Variants in NKAIN2 observed in about 807,000 individuals in gnomAD.
The protein encoded by NKAIN2 is sodium/potassium-transporting ATPase subunit beta-1-interacting protein 2.
In NKAIN2, 14 loss-of-function variants were observed where a neutral mutation model predicts 32.6. The observed-to-expected ratio is 0.43, with a 90% CI of 0.28 to 0.67. NKAIN2 has a LOEUF of 0.67. NKAIN2 is among the 30% of genes least tolerant of loss of function. NKAIN2 has a pLI of 0.17. For missense variants in NKAIN2, 198 were observed against 258.3 expected, an observed-to-expected ratio of 0.77 and a Z score of 1.60; for synonymous variants, 80 against 87.2, an observed-to-expected ratio of 0.92 and a Z score of 0.46.
At chr6:124,548,519 C>A (rs1780175629) in intron 3 of NKAIN2, among the ~76,000 whole-genome samples, 1 of 152,138 alleles carries the variant, frequency 6.6e-6, no homozygotes, top group African/African-American at 2.4e-5. Flanking sequence ...TGTCCTTATC[C>A]AGCACTCATT....
At chr6:123,864,730 T>A (rs1317698325) in intron 1 of NKAIN2, among the ~76,000 whole-genome samples, 1 of 152,124 alleles carries the variant, frequency 6.6e-6, no homozygotes, top group Non-Finnish European at 1.5e-5. Flanking sequence ...TAAGTTAAAA[T>A]TTTAAAATAT....
intron 1 of NKAIN2, among the ~76,000 whole-genome samples, chr6:124,242,276 A>G (rs933663472): frequency 1.1e-4 from 16 of 152,224 alleles, no homozygotes; most frequent in Non-Finnish European, 2.4e-4. Context: ...TTATACGGCC[A>G]ACAAACATAT....
At chr6:124,698,363 G>A (rs73770541) in intron 4 of NKAIN2, among the ~76,000 whole-genome samples, 11,313 of 152,196 alleles carry the variant, frequency 0.074, 560 homozygotes, top group African/African-American at 0.14. Flanking sequence ...AAAAAAATGT[G>A]CAGCTCCAGG....
At chr6:123,857,753 T>C (rs1361710960) in intron 1 of NKAIN2, among the ~76,000 whole-genome samples, 1 of 151,612 alleles carries the variant, frequency 6.6e-6, no homozygotes, top group East Asian at 1.9e-4. Context: ...CCATACATAT[T>C]GAAGCAGAAC....
At chr6:124,214,292 A>G (rs898700840) in intron 1 of NKAIN2, among the ~76,000 whole-genome samples, 28 of 152,208 alleles carry the variant, frequency 1.8e-4, no homozygotes, top group Non-Finnish European at 2.8e-4. Flanking sequence ...TATTAATAGT[A>G]GTAAAATTCT....
At chr6:123,816,040 A>G (rs1373190167) in intron 1 of NKAIN2, among the ~76,000 whole-genome samples, 1 of 152,184 alleles carries the variant, frequency 6.6e-6, no homozygotes, top group Non-Finnish European at 1.5e-5. Context: ...ATCAAACAAT[A>G]TATGTGGTAC....
chr6:124,672,793 C>T (rs1442747893), intron 4 of NKAIN2, among the ~76,000 whole-genome samples: 1 of 151,992 alleles, frequency 6.6e-6, no homozygotes, highest in African/African-American at 2.4e-5. Context: ...GTAAAAGATA[C>T]AGAGACAAAG....
chr6:124,430,054 T>C (rs1399275896), intron 3 of NKAIN2, among the ~76,000 whole-genome samples: 1 of 152,114 alleles, frequency 6.6e-6, no homozygotes, highest in Non-Finnish European at 1.5e-5. Flanking sequence ...TAAAGACAAA[T>C]ATTTCAAAAT....
chr6:124,079,535 A>G (rs1315497317), intron 1 of NKAIN2, among the ~76,000 whole-genome samples: 1 of 152,190 alleles, frequency 6.6e-6, no homozygotes, highest in Non-Finnish European at 1.5e-5. Flanking sequence ...GAGAGAAACA[A>G]GGATACATTA....
chr6:124,322,999 C>T (rs1284031397), intron 2 of NKAIN2, among the ~76,000 whole-genome samples: 6 of 152,070 alleles, frequency 3.9e-5, no homozygotes, highest in African/African-American at 2.4e-5. Flanking sequence ...CTCATTGTAG[C>T]CTTAATTTGC....
chr6:123,931,699 T>C (rs1196048999), intron 1 of NKAIN2, among the ~76,000 whole-genome samples: 1 of 152,172 alleles, frequency 6.6e-6, no homozygotes, highest in Non-Finnish European at 1.5e-5. Context: ...AGGTAGTCTA[T>C]GAAAATAATC....
At chr6:124,745,270 G>A (rs988202424) in intron 4 of NKAIN2, among the ~76,000 whole-genome samples, 1 of 151,730 alleles carries the variant, frequency 6.6e-6, no homozygotes, top group South Asian at 2.1e-4. Context: ...TTACAAAAAG[G>A]CTTTAAAAAT....
intron 1 of NKAIN2, among the ~76,000 whole-genome samples, chr6:124,068,676 T>A (rs772735323): frequency 1.1e-4 from 17 of 152,040 alleles, no homozygotes; most frequent in Admixed American, 3.9e-4. Flanking sequence ...CAGTGTTGAA[T>A]AATCTTTTTC....
intron 4 of NKAIN2, among the ~76,000 whole-genome samples, chr6:124,729,758 G>A (rs902714416): frequency 1.1e-4 from 17 of 151,676 alleles, no homozygotes; most frequent in South Asian, 4.2e-4. Flanking sequence ...AGGAAAAGAG[G>A]AAGTCAAATT....
chr6:123,978,612 A>C (rs1778750087), intron 1 of NKAIN2, among the ~76,000 whole-genome samples: 1 of 152,192 alleles, frequency 6.6e-6, no homozygotes, highest in Non-Finnish European at 1.5e-5. Context: ...CTTAATTAAA[A>C]ACAAAAGAAT....
At chr6:124,505,085 C>A (rs888663505) in intron 3 of NKAIN2, among the ~76,000 whole-genome samples, 3 of 152,138 alleles carry the variant, frequency 2.0e-5, no homozygotes, top group African/African-American at 7.2e-5. Context: ...TAAACCCTAT[C>A]ATTACATATC....
At chr6:124,005,792 G>T (rs1382502449) in intron 1 of NKAIN2, among the ~76,000 whole-genome samples, 1 of 152,146 alleles carries the variant, frequency 6.6e-6, no homozygotes, top group Non-Finnish European at 1.5e-5. Flanking sequence ...ACAAGATTCA[G>T]AGCTGGTTTT....
At chr6:124,086,740 C>G (rs1158392794) in intron 1 of NKAIN2, among the ~76,000 whole-genome samples, 1 of 151,826 alleles carries the variant, frequency 6.6e-6, no homozygotes, top group Admixed American at 6.6e-5. Flanking sequence ...ACAAAACTCA[C>G]ACAAGAAGAA....
At chr6:123,849,244 A>G (rs1444831517) in intron 1 of NKAIN2, among the ~76,000 whole-genome samples, 1 of 152,230 alleles carries the variant, frequency 6.6e-6, no homozygotes, top group African/African-American at 2.4e-5. Flanking sequence ...TAGAATTAAT[A>G]CTAATAACAG....
Sources: gnomAD v4.1 joint callset for allele counts (sites outside exome capture counted in the v4.1 genomes callset) on GRCh38, gnomAD v4.1.1 for gene constraint, MANE v1.5 for transcripts, NCBI Gene and HGNC (gene_info 2026-07-23, HGNC 2026-07-21) for gene names.